The following LGALS2 variants were observed in gnomAD, a reference collection of about 807,000 sequenced individuals.
LGALS2 encodes the protein galectin-2.
In LGALS2, 7 loss-of-function variants were observed where a neutral mutation model predicts 10.1. The observed-to-expected ratio is 0.70, with a 90% CI of 0.40 to 1.31. LGALS2 has a LOEUF of 1.31. Among genes scored for constraint, LGALS2 ranks in the 50% most tolerant of loss-of-function variants. LGALS2 has a pLI of 0.01. For missense variants in LGALS2, 167 were observed against 163.6 expected (o/e 1.02, Z -0.11); for synonymous variants, 86 against 64.2 (o/e 1.34, Z -1.63).
At chr22:37,570,975 TG>T (rs1250359006) in intron 2 of LGALS2, among the ~76,000 whole-genome samples, 1 of 152,088 alleles carries the variant, frequency 6.6e-6, no homozygotes, top group Non-Finnish European at 1.5e-5. Flanking sequence ...CTTCGGGAAT[TG>T]GGGGTGGCTC....
At chr22:37,579,436 G>T (rs890097074) in intron 1 of LGALS2, among the ~76,000 whole-genome samples, 4 of 151,594 alleles carry the variant, frequency 2.6e-5, no homozygotes, top group Non-Finnish European at 5.9e-5. Context: ...ATGCTGTATT[G>T]TTGTTGTTGT....
rs149260493 is a variant in LGALS2 at position 37,570,299 on chromosome 22, G to A, written c.363C>T (p.Gly121=). 3.5e-5 allele frequency: 57 copies of A among 1,611,880 alleles called. No homozygotes were observed. The highest frequency in any genetic ancestry group is 3.3e-4 in the Middle Eastern group (2 of 6,050). Residue 121 remains glycine (G), a synonymous_variant, in exon 4 of 4, where the codon GGC becomes GGT. Transcript: ENST00000215886. ...ACTTGAAAGAGGACATGTTGAACCC[G>A]CCCCTTACGCTCAGGTAGCTCAGGT... ...HSHLSYLSVR[G]GFNMSSFKLK...
At chr22:37,574,420 G>A (rs1342795969) in intron 1 of LGALS2, among the ~76,000 whole-genome samples, 4 of 150,866 alleles carry the variant, frequency 2.7e-5, no homozygotes, top group Non-Finnish European at 4.4e-5. Context: ...GGAGGCTGAG[G>A]CAAGAGAATC....
intron 1 of LGALS2, among the ~76,000 whole-genome samples, chr22:37,579,489 A>G (rs1180547542): frequency 2.6e-5 from 4 of 151,820 alleles, no homozygotes; most frequent in African/African-American, 9.7e-5. Flanking sequence ...CTGGAGTGCA[A>G]TGGCACAATC....
At chr22:37,579,232 A>G (rs1263613316) in intron 1 of LGALS2, among the ~76,000 whole-genome samples, 13 of 125,058 alleles carry the variant, frequency 1.0e-4, no homozygotes, top group African/African-American at 4.0e-4. Flanking sequence ...TGGGCAACAG[A>G]GCGAGACTCC....
chr22:37,575,024 A>G (rs1925629016), intron 1 of LGALS2, among the ~76,000 whole-genome samples: 1 of 151,674 alleles, frequency 6.6e-6, no homozygotes. Context: ...CTGAGATTAC[A>G]GGCTCCCACC....
Position 37,570,329 on chromosome 22 carries a change from G to A in LGALS2, c.333C>T (p.His111=). The change falls in exon 4 of 4, where the codon CAC becomes CAT. Residue 111 remains histidine (H), a synonymous_variant. Coordinates refer to ENST00000215886, the MANE Select transcript of LGALS2 (RefSeq NM_006498.3). ...TTACGCTCAGGTAGCTCAGGTGGCT[G>A]TGACCCAGCCTGTTGGGAAAAGTCA... ...HELTFPNRLG[H]SHLSYLSVRG... 1.9e-6 allele frequency: 3 copies of A among 1,614,092 alleles called. No homozygotes were observed. The highest frequency in any genetic ancestry group is 2.5e-6 in the Non-Finnish European group (3 of 1,179,930).
At chr22:37,572,799 T>TA (rs368770821) in intron 1 of LGALS2, among the ~76,000 whole-genome samples, 1 of 129,088 alleles carries the variant, frequency 7.7e-6, no homozygotes, top group South Asian at 2.3e-4. Context: ...ATAATAATAA[T>TA]AAATAAAATA....
intron 1 of LGALS2, among the ~76,000 whole-genome samples, chr22:37,572,186 A>G (rs370617480): frequency 1.3e-5 from 2 of 152,346 alleles, no homozygotes; most frequent in African/African-American, 4.8e-5. Flanking sequence ...ACGGAGGCTC[A>G]GTTTGCCCAT....
At position 37,570,737 on chromosome 22, in the gene LGALS2, T is replaced by C. The variant is rs1471404237; in HGVS notation, c.90-2A>G. ...CCCTGGCCCAGATTAATTACAAAGC[T>C]GCAGGAGAAGGGGTAGCAGGTGAGG... On this transcript the variant is annotated splice_acceptor_variant, in intron 2 of 3. Coordinates refer to ENST00000215886, the MANE Select transcript of LGALS2 (RefSeq NM_006498.3). LOFTEE classifies it high-confidence loss of function. 1.2e-6 allele frequency: 2 copies of C among 1,614,200 alleles called. No homozygotes were observed. The highest frequency in any genetic ancestry group is 1.7e-6 in the Non-Finnish European group (2 of 1,180,024).
chr22:37,572,304 G>A (rs1207785699), intron 1 of LGALS2, among the ~76,000 whole-genome samples: 1 of 152,204 alleles, frequency 6.6e-6, no homozygotes, highest in Non-Finnish European at 1.5e-5. Flanking sequence ...TATGGAAAAT[G>A]ACTGTATCAG....
At chr22:37,572,045 C>CCA in intron 1 of LGALS2, 114 bp from the exon 2 acceptor site, 1 of 838,122 alleles carries the variant, frequency 1.2e-6, no homozygotes, top group South Asian at 1.4e-5. Flanking sequence ...ATCCCCCTGC[C>CCA]CACGTGAGGA....
intron 1 of LGALS2, among the ~76,000 whole-genome samples, chr22:37,572,746 G>A (rs1403068039): frequency 2.7e-5 from 4 of 146,778 alleles, no homozygotes; most frequent in Non-Finnish European, 4.5e-5. Flanking sequence ...CAGCCTGGGC[G>A]ACAGAGCGAA....
At chr22:37,574,897 T>C (rs1004755008) in intron 1 of LGALS2, among the ~76,000 whole-genome samples, 1 of 150,414 alleles carries the variant, frequency 6.6e-6, no homozygotes, top group Non-Finnish European at 1.5e-5. Flanking sequence ...TTTTTTGAGA[T>C]GTTGAGATGG....
chr22:37,570,252 C>A lies in LGALS2; in HGVS notation c.*11G>T, dbSNP rs765264206. The A allele has an allele frequency of 6.3e-7, 1 of 1,595,652 alleles. No homozygotes were observed. Among genetic ancestry groups the A allele is most frequent in the Non-Finnish European group, 8.6e-7 (1 of 1,165,826 alleles). ...GAAGAACCAGGACAGAGAATCTCGG[C>A]TGGAAGTCTTTTATTCTTTTAACTT... On this transcript the variant is annotated 3_prime_UTR_variant, in exon 4 of 4. Transcript: ENST00000215886.
At chr22:37,577,419 G>T (rs191683118) in intron 1 of LGALS2, among the ~76,000 whole-genome samples, 1 of 149,156 alleles carries the variant, frequency 6.7e-6, no homozygotes, top group African/African-American at 2.5e-5. Context: ...GCTCGATCTC[G>T]GCTCACTGCA....
chr22:37,579,631 T>C (rs931832164), intron 1 of LGALS2, among the ~76,000 whole-genome samples: 1 of 152,010 alleles, frequency 6.6e-6, no homozygotes, highest in Non-Finnish European at 1.5e-5. Flanking sequence ...ACGGGGTTTC[T>C]CCATGTTGGT....
chr22:37,570,795 G>A lies in LGALS2; in HGVS notation c.90-60C>T, dbSNP rs575375051. The A allele has an allele frequency of 4.1e-5, 66 of 1,595,868 alleles. No homozygotes were observed. The Admixed American group carries it at 6.3e-4, about 15-fold the overall frequency. ...CTCAGGCCTGGATAAAGCAGCTTGGGTTGGAGGACCTTGGTTGACCACAAG... is the reference window on the plus strand; with the variant it reads ...CTCAGGCCTGGATAAAGCAGCTTGGATTGGAGGACCTTGGTTGACCACAAG... On this transcript the variant is annotated intron_variant, in intron 2 of 3. Transcript: ENST00000215886.
rs9607476 is a variant in LGALS2, at chr22:37,571,865, C to T, written c.73G>A (p.Ala25Thr). 1.9e-5 allele frequency: 30 copies of T among 1,613,910 alleles called. No individual in the cohort carries two copies. Among genetic ancestry groups the T allele is most frequent in the Non-Finnish European group, 2.4e-5 (28 of 1,179,916 alleles). ...GSTLKITGSIADGTDGFVINL... is the reference protein window; with the variant it reads ...GSTLKITGSITDGTDGFVINL... ...CTTGCTCACCCATCAGTGCCATCGG[C>T]GATGCTGCCTGTGATCTTCAGGGTT... is the stretch of plus-strand genomic sequence containing the variant. Residue 25 changes from alanine to threonine, a missense_variant, in exon 2 of 4, where the codon GCC becomes ACC. Physicochemically the swap from Ala to Thr is moderately conservative, Grantham distance 58. Transcript: ENST00000215886.
Sources: gnomAD v4.1 joint callset for allele counts (sites outside exome capture counted in the v4.1 genomes callset) on GRCh38, gnomAD v4.1.1 for gene constraint, MANE v1.5 for transcripts, NCBI Gene and HGNC (gene_info 2026-07-23, HGNC 2026-07-21) for gene names.